The following ELF2 variants were observed in gnomAD, a reference collection of about 807,000 sequenced individuals.
ELF2 encodes the protein ETS-related transcription factor Elf-2.
In ELF2, 11 loss-of-function variants were observed where a neutral mutation model predicts 54.8. That is an observed-to-expected ratio of 0.20 (90% CI 0.13 to 0.33). The LOEUF is 0.33. Ranked by LOEUF, ELF2 falls within the 10% of genes least tolerant of loss-of-function variation. ELF2 has a pLI of 1.00. For missense variants in ELF2, 513 were observed against 703.0 expected (o/e 0.73, Z 3.06); for synonymous variants, 203 against 245.1 (o/e 0.83, Z 1.61).
intron 4 of ELF2, among the ~76,000 whole-genome samples, chr4:139,083,184 G>T (rs1042073537): frequency 5.3e-5 from 8 of 152,072 alleles, no homozygotes; most frequent in Admixed American, 2.0e-4. Context: ...GGAGGTTTGG[G>T]GGGGGGTAGA....
rs772488460 is a variant in ELF2, at chr4:139,171,646, G to A, written c.-252+5321C>T. On this transcript the variant is annotated intron_variant, in intron 1 of 9. Transcript: ENST00000686138. ...CACAACAAATTAACAAAATCAGGCCGGGCATGGTGGCTCACGCCTGTAATC... is the reference window on the plus strand; with the variant it reads ...CACAACAAATTAACAAAATCAGGCCAGGCATGGTGGCTCACGCCTGTAATC... Among the ~76,000 whole-genome samples the A allele has an allele frequency of 3.3e-5, 5 of 151,968 alleles. No individual in the cohort carries two copies. The Middle Eastern group carries it at 0.01, about 310-fold the overall frequency.
At chr4:139,079,347 T>C (rs1489155573) in intron 4 of ELF2, among the ~76,000 whole-genome samples, 2 of 152,226 alleles carry the variant, frequency 1.3e-5, no homozygotes, top group African/African-American at 4.8e-5. Flanking sequence ...TTTCAATCTA[T>C]TGGAATAACC....
intron 4 of ELF2, chr4:139,084,428 G>A (rs1445953579): frequency 9.8e-6 from 12 of 1,218,792 alleles, no homozygotes; most frequent in Middle Eastern, 3.2e-4. Flanking sequence ...GGCAGGGGCG[G>A]CAGGGGCAGG....
rs35553898 is a variant in ELF2, at chr4:139,133,636, C to CT, written c.72+3993dup. 7.1e-3 allele frequency among the ~76,000 whole-genome samples: 1,012 copies of CT among 143,376 alleles called. 25 individuals are homozygous for CT. Among genetic ancestry groups the CT allele is most frequent in the Admixed American group, 0.04 (571 of 14,332 alleles). 94.1% of individuals were successfully genotyped at this position (143,376 alleles called of 152,430 possible). ...TATATTTCATTAAACTTTTCCCTAC[C>CT]TTTTTTTTTTTTTTTAAGATACGGG... On this transcript the variant is annotated intron_variant, in intron 3 of 9. Transcript: ENST00000686138.
At chr4:139,067,456 T>TC (rs1194689719) in intron 7 of ELF2, 2 of 472,710 alleles carry the variant, frequency 4.2e-6, no homozygotes, top group Admixed American at 6.4e-5. Flanking sequence ...AGTCCCTATA[T>TC]CCCCCATGAT....
At chr4:139,098,594 GAGT>G (rs1478266056) in intron 4 of ELF2, among the ~76,000 whole-genome samples, 14 of 150,914 alleles carry the variant, frequency 9.3e-5, no homozygotes, top group Non-Finnish European at 1.9e-4. Context: ...TCAGCCTCCT[GAGT>G]AGCTGGGACT....
chr4:139,099,983 C>T (rs981315912), intron 4 of ELF2, among the ~76,000 whole-genome samples: 11 of 152,114 alleles, frequency 7.2e-5, no homozygotes, highest in Non-Finnish European at 1.3e-4. Context: ...AAATGGCATG[C>T]GTGAACACCC....
intron 1 of ELF2, 38 bp from the exon 2 acceptor site, chr4:139,139,535 A>G: frequency 2.7e-6 from 3 of 1,092,088 alleles, no homozygotes; most frequent in Non-Finnish European, 3.5e-6. Context: ...TATTAATATA[A>G]TTATATTAAA....
chr4:139,118,892 C>T (rs1245704839), intron 4 of ELF2, among the ~76,000 whole-genome samples: 1 of 152,086 alleles, frequency 6.6e-6, no homozygotes, highest in Non-Finnish European at 1.5e-5. Flanking sequence ...TTCCTATTTT[C>T]TGACAGTGAA....
intron 4 of ELF2, among the ~76,000 whole-genome samples, chr4:139,119,385 G>GAGCAAGGTGATGGA (rs1736085925): frequency 6.6e-6 from 1 of 152,118 alleles, no homozygotes; most frequent in African/African-American, 2.4e-5. Context: ...TCTGTCCCTG[G>GAGCAAGGTGATGGA]AGACTGACTT....
intron 6 of ELF2, among the ~76,000 whole-genome samples, chr4:139,071,427 A>G (rs1023090332): frequency 2.6e-5 from 4 of 152,078 alleles, no homozygotes; most frequent in African/African-American, 9.7e-5. Context: ...AGCAGCTGGG[A>G]CTAAAGGCGT....
rs1282129529 is a variant in ELF2 at position 139,106,383 on chromosome 4, G to A, written c.238+18781C>T. Among the ~76,000 whole-genome samples the A allele has an allele frequency of 3.9e-5, 6 of 151,912 alleles. No homozygotes were observed. The East Asian group carries it at 9.6e-4, about 24-fold the overall frequency. ...GGCAGAACATAGAGGAAGAAAGGAT[G>A]ATGAAAAAAAAGGTAGATGACAGTT... On this transcript the variant is annotated intron_variant, in intron 4 of 9. Coordinates refer to ENST00000686138, the MANE Select transcript of ELF2 (RefSeq NM_001331036.3).
Position 139,059,619 on chromosome 4 carries a change from G to C in ELF2, c.1158-12C>G, listed in dbSNP as rs755562617. On this transcript the variant is annotated splice_polypyrimidine_tract_variant and intron_variant, in intron 9 of 9. Coordinates refer to ENST00000686138, the MANE Select transcript of ELF2 (RefSeq NM_001331036.3). Reference sequence around the variant, plus strand: ...CCACACGAACTGTCCTAGTACATTAGAAAGAAAAAAGCTGATTATATTTAA... The same window carrying C: ...CCACACGAACTGTCCTAGTACATTACAAAGAAAAAAGCTGATTATATTTAA... The C allele has an allele frequency of 6.3e-7, 1 of 1,593,468 alleles. No homozygotes were observed. Among genetic ancestry groups the C allele is most frequent in the Non-Finnish European group, 8.5e-7 (1 of 1,172,954 alleles).
rs1466301185 is a variant in ELF2, at chr4:139,071,978, T to C, written c.414A>G (p.Pro138=). 6.2e-7 allele frequency: 1 copy of C among 1,614,060 alleles called. No individual in the cohort carries two copies. The highest frequency in any genetic ancestry group is 8.5e-7 in the Non-Finnish European group (1 of 1,179,994). Residue 138 remains proline (P), a synonymous_variant, in exon 6 of 10, where the codon CCA becomes CCG. Coordinates refer to ENST00000686138, the MANE Select transcript of ELF2 (RefSeq NM_001331036.3). ...CCACTACAGTTTCTGTAATGACATC[T>C]GGCCTCATAGCAGCATGGATGAATT... ...TPEFIHAAMR[P]DVITETVVEV...
chr4:139,151,102 G>C (rs1308496312), intron 1 of ELF2, among the ~76,000 whole-genome samples: 2 of 140,882 alleles, frequency 1.4e-5, no homozygotes, highest in African/African-American at 5.6e-5. Flanking sequence ...GAAAAAGAGA[G>C]CTATTTAATA....
chr4:139,110,044 G>A (rs904087466), intron 4 of ELF2, among the ~76,000 whole-genome samples: 2 of 152,032 alleles, frequency 1.3e-5, no homozygotes, highest in African/African-American at 2.4e-5. Context: ...ATTAGAAATC[G>A]CTTTGAAAAA....
intron 4 of ELF2, among the ~76,000 whole-genome samples, chr4:139,103,266 T>C (rs1224582912): frequency 1.3e-5 from 2 of 152,180 alleles, no homozygotes; most frequent in African/African-American, 4.8e-5. Flanking sequence ...ATCTCCAAAG[T>C]AGTAAGTGTT....
At chr4:139,171,876 A>G (rs1742345008) in intron 1 of ELF2, among the ~76,000 whole-genome samples, 1 of 152,152 alleles carries the variant, frequency 6.6e-6, no homozygotes, top group African/African-American at 2.4e-5. Flanking sequence ...GTGAGCTGAG[A>G]TTGCACTACT....
chr4:139,137,968 A>T (rs1467826013), intron 2 of ELF2, 101 bp from the exon 3 acceptor site: 1 of 824,572 alleles, frequency 1.2e-6, no homozygotes, highest in Non-Finnish European at 1.7e-6. Context: ...CTTAACTAAG[A>T]AAAAGAAGAC....
Sources: allele counts gnomAD v4.1 joint callset (sites outside exome capture counted in the v4.1 genomes callset), GRCh38; gene constraint gnomAD v4.1.1; transcripts MANE v1.5; gene names NCBI Gene and HGNC (gene_info 2026-07-23, HGNC 2026-07-21).